USP3: variants seen among roughly 807,000 people sequenced by gnomAD.
USP3 encodes the protein ubiquitin carboxyl-terminal hydrolase 3.
Under a neutral mutation model 72.3 loss-of-function variants are expected in USP3, and 20 were observed. The observed-to-expected ratio is 0.28, with a 90% confidence interval of 0.19 to 0.40. USP3 has a LOEUF of 0.40. USP3 is among the 10% of genes least tolerant of loss of function. USP3 has a pLI of 1.00. For missense variants in USP3, 479 were observed against 633.9 expected (o/e 0.76, Z 2.62); for synonymous variants, 222 against 225.3 (o/e 0.99, Z 0.13).
intron 8 of USP3, among the ~76,000 whole-genome samples, chr15:63,569,476 A>T (rs2066745681): frequency 6.6e-6 from 1 of 152,218 alleles, no homozygotes; most frequent in East Asian, 1.9e-4. Flanking sequence ...TGGTTGGAAG[A>T]AATTTTATGG....
chr15:63,585,891 A>G (rs1411493233), intron 11 of USP3, among the ~76,000 whole-genome samples: 2 of 151,442 alleles, frequency 1.3e-5, no homozygotes, highest in Non-Finnish European at 2.9e-5. Context: ...CCATTCCATA[A>G]TAAACTTTAG....
In USP3 at chr15:63,588,411, A is replaced by G. The variant is rs1238360348; in HGVS notation, c.1203A>G (p.Gln401=). 6.2e-7 allele frequency: 1 copy of G among 1,604,142 alleles called. No individual in the cohort carries two copies. The highest frequency in any genetic ancestry group is 1.7e-5 in the Admixed American group (1 of 57,384). ...AGTCCACAAAAAAGTTTTGGATTCA[A>G]AAACTACCCAAGGTGAGTGTTGAAT... ...KQKSTKKFWI[Q]KLPKVLCLHL... Residue 401 remains glutamine, a synonymous_variant, in exon 12 of 15, where the codon CAA becomes CAG. Coordinates refer to ENST00000380324, the MANE Select transcript of USP3 (RefSeq NM_006537.4). The surrounding 1 kb of genome is among the most constrained non-coding windows in gnomAD (Gnocchi z 4.6).
chr15:63,570,540 A>C lies in USP3; in HGVS notation c.869A>C (p.Gln290Pro). 6.2e-7 allele frequency: 1 copy of C among 1,614,180 alleles called. No homozygotes were observed. Among genetic ancestry groups the C allele is most frequent in the Non-Finnish European group, 8.5e-7 (1 of 1,180,006 alleles). The change falls in exon 9 of 15, where the codon CAG becomes CCG. Residue 290 changes from glutamine to proline, a missense_variant. Transcript: ENST00000380324. The surrounding 1 kb of genome is among the most constrained non-coding windows in gnomAD (Gnocchi z 4.4). ...GGTGTTTCCCGCTCAGCAATTCTGC[A>C]GGAGAATTCTACTCTGTCTGCAAGT... ...FNGVSRSAILQENSTLSASNK... is the reference protein window; with the variant it reads ...FNGVSRSAILPENSTLSASNK...
chr15:63,534,649 C>T (rs1362547089), intron 2 of USP3, among the ~76,000 whole-genome samples: 2 of 152,104 alleles, frequency 1.3e-5, no homozygotes, highest in Admixed American at 1.3e-4. Flanking sequence ...ATCAGTATTC[C>T]TACTTCTTAG....
At position 63,504,647 on chromosome 15, in the gene USP3, A is replaced by T. The variant is rs1260288881; in HGVS notation, c.-93A>T. The T allele has an allele frequency of 1.8e-6, 2 of 1,131,000 alleles. No homozygotes were observed. Among genetic ancestry groups the T allele is most frequent in the Admixed American group, 2.8e-5 (1 of 35,880 alleles). The allele number at this position is 1,131,000 out of a possible 1,614,324, so 70.1% of individuals were successfully genotyped here. ...GCCGCCGTCGGCCGAGCGCCCGGCT[A>T]GAAGCGACACCAGACGGAGCCTCCG... On this transcript the variant is annotated 5_prime_UTR_variant, in exon 1 of 15. Coordinates refer to ENST00000380324, the MANE Select transcript of USP3 (RefSeq NM_006537.4).
chr15:63,558,319 G>T, intron 6 of USP3, 131 bp downstream of exon 6: 3 of 989,452 alleles, frequency 3.0e-6, no homozygotes, highest in East Asian at 2.5e-5. Context: ...CTGTGCTTTT[G>T]TTTCCTCATC....
Position 63,563,019 on chromosome 15 carries a change from T to C in USP3, c.761+11T>C, listed in dbSNP as rs1442693993. The C allele has an allele frequency of 6.4e-7, 1 of 1,561,302 alleles. No homozygotes were observed. Among genetic ancestry groups the C allele is most frequent in the South Asian group, 1.2e-5 (1 of 84,996 alleles). On this transcript the variant is annotated intron_variant, in intron 8 of 14. Transcript: ENST00000380324. ...TATGCCAAACTTTAGGTAAGTATTA[T>C]ATGAAGATATTTTTAAACATTAATA...
Position 63,529,178 on chromosome 15 carries a change from G to GTTTTTTTTTTTTTTTT in USP3, c.92-3456_92-3455insTTTTTTTTTTTTTTTT. The GTTTTTTTTTTTTTTTT allele has an allele frequency of 2.0e-6, 1 of 492,642 alleles. No homozygotes were observed. Among genetic ancestry groups the GTTTTTTTTTTTTTTTT allele is most frequent in the Non-Finnish European group, 3.4e-6 (1 of 293,884 alleles). The allele number at this position is 492,642 out of a possible 1,614,324, so 30.5% of individuals were successfully genotyped here. A position where few individuals can be genotyped will look rare whatever the true frequency, so the allele number is the denominator to read the frequency against. Reference sequence around the variant, plus strand: ...ACCACACTTGGCAGGTAGTAAAGTGGTTTTTTTTTTTTTCTTTTTTTTGAG... The same window carrying GTTTTTTTTTTTTTTTT: ...ACCACACTTGGCAGGTAGTAAAGTGGTTTTTTTTTTTTTTTTTTTTTTTTTTTTTCTTTTTTTTGAG... On this transcript the variant is annotated intron_variant, in intron 1 of 14. Transcript: ENST00000380324. The surrounding 1 kb of genome is among the most constrained non-coding windows in gnomAD (Gnocchi z 4.2).
rs1335378423 is a variant in USP3, at chr15:63,553,282, C to A, written c.285-433C>A. On this transcript the variant is annotated intron_variant, in intron 3 of 14. Coordinates refer to ENST00000380324, the MANE Select transcript of USP3 (RefSeq NM_006537.4). This position sits in a 1 kb window ranked among gnomAD's most constrained non-coding sequence, Gnocchi z 4.2. Reference sequence around the variant, plus strand: ...AGATATCCCTACAGGTTAATTACCTCTTCCCTGCTTTTCACTTAAATCTCT... The same window carrying A: ...AGATATCCCTACAGGTTAATTACCTATTCCCTGCTTTTCACTTAAATCTCT... 6.5e-6 allele frequency: 1 copy of A among 152,928 alleles called. No homozygotes were observed. Among genetic ancestry groups the A allele is most frequent in the South Asian group, 2.1e-4 (1 of 4,858 alleles). 9.5% of individuals were successfully genotyped at this position (152,928 alleles called of 1,614,324 possible). A position where few individuals can be genotyped will look rare whatever the true frequency, so the allele number is the denominator to read the frequency against.
chr15:63,532,141 CAT>C (rs969274426), intron 1 of USP3, among the ~76,000 whole-genome samples: 255 of 152,244 alleles, frequency 1.7e-3, no homozygotes, highest in African/African-American at 5.9e-3. Context: ...GTGCAGTTGT[CAT>C]ATATTTTATG....
At chr15:63,550,369 T>C (rs1293795439) in intron 3 of USP3, among the ~76,000 whole-genome samples, 1 of 152,184 alleles carries the variant, frequency 6.6e-6, no homozygotes, top group African/African-American at 2.4e-5. Flanking sequence ...AGGGCACAAA[T>C]ATTTGCATTG....
At chr15:63,507,259 T>G (rs1001942412) in intron 1 of USP3, among the ~76,000 whole-genome samples, 1 of 152,046 alleles carries the variant, frequency 6.6e-6, no homozygotes, top group Non-Finnish European at 1.5e-5. Flanking sequence ...TCTTTGCGAG[T>G]TTGCAATTAT....
At position 63,590,962 on chromosome 15, in the gene USP3, G is replaced by GACTT. The variant is rs2067187478; in HGVS notation, c.*140_*143dup. 2 of 1,131,444 alleles carry GACTT rather than the reference G, an allele frequency of 1.8e-6. No individual in the cohort carries two copies. The highest frequency in any genetic ancestry group is 3.2e-5 in the African/African-American group (2 of 62,374). The allele number at this position is 1,131,444 out of a possible 1,614,324, so 70.1% of individuals were successfully genotyped here. A position where few individuals can be genotyped will look rare whatever the true frequency, so the allele number is the denominator to read the frequency against. Reference sequence around the variant, plus strand: ...TGGATTTAGTTTTGTCAATGGTAGTGACTTACTGAACATGGGCACCAACTA... The same window carrying GACTT: ...TGGATTTAGTTTTGTCAATGGTAGTGACTTACTTACTGAACATGGGCACCAACTA... On this transcript the variant is annotated 3_prime_UTR_variant, in exon 15 of 15. Transcript: ENST00000380324.
chr15:63,506,239 A>T (rs1216842296), intron 1 of USP3, among the ~76,000 whole-genome samples: 1 of 152,204 alleles, frequency 6.6e-6, no homozygotes, highest in Non-Finnish European at 1.5e-5. Context: ...CGGGATGTTG[A>T]GTATAGAACA....
Position 63,570,373 on chromosome 15 carries a change from T to G in USP3, c.762-60T>G. The G allele has an allele frequency of 6.2e-7, 1 of 1,608,988 alleles. No individual in the cohort carries two copies. The highest frequency in any genetic ancestry group is 8.5e-7 in the Non-Finnish European group (1 of 1,178,420). Reference sequence around the variant, plus strand: ...TTTCCACGCCTTGGCCTCTTGCTGGTGTGGCTGGGCACAAAGAGCCCTCCA... The same window carrying G: ...TTTCCACGCCTTGGCCTCTTGCTGGGGTGGCTGGGCACAAAGAGCCCTCCA... On this transcript the variant is annotated intron_variant, in intron 8 of 14. Transcript: ENST00000380324. This position sits in a 1 kb window ranked among gnomAD's most constrained non-coding sequence, Gnocchi z 4.4.
At chr15:63,539,578 G>T (rs917127721) in intron 3 of USP3, among the ~76,000 whole-genome samples, 1 of 152,154 alleles carries the variant, frequency 6.6e-6, no homozygotes, top group African/African-American at 2.4e-5. Flanking sequence ...AATTGAATTG[G>T]TTTTATTTCG....
intron 3 of USP3, among the ~76,000 whole-genome samples, chr15:63,547,672 G>A (rs2066350128): frequency 6.6e-6 from 1 of 151,326 alleles, no homozygotes; most frequent in Non-Finnish European, 1.5e-5. Flanking sequence ...CAAGGCTGCA[G>A]TGAGCTGTGA....
chr15:63,523,475 A>G (rs1158765012), intron 1 of USP3, among the ~76,000 whole-genome samples: 2 of 152,230 alleles, frequency 1.3e-5, no homozygotes, highest in African/African-American at 4.8e-5. Flanking sequence ...GCAGTGGAAC[A>G]AATTCCTACA....
At position 63,588,052 on chromosome 15, in the gene USP3, T is replaced by G. The variant is rs1197476549; in HGVS notation, c.1097-253T>G. 1 of 312,686 alleles carries G rather than the reference T, an allele frequency of 3.2e-6. No individual in the cohort carries two copies. The highest frequency in any genetic ancestry group is 5.5e-5 in the East Asian group (1 of 18,044). 19.4% of individuals were successfully genotyped at this position (312,686 alleles called of 1,614,324 possible). A position where few individuals can be genotyped will look rare whatever the true frequency, so the allele number is the denominator to read the frequency against. ...TATCCAGATGAATTATCATTAATAG[T>G]AAAACCAACACAATTGATCATCACC... On this transcript the variant is annotated intron_variant, in intron 11 of 14. Coordinates refer to ENST00000380324, the MANE Select transcript of USP3 (RefSeq NM_006537.4). This position sits in a 1 kb window ranked among gnomAD's most constrained non-coding sequence, Gnocchi z 4.6.
Sources: gnomAD v4.1 joint callset for allele counts (sites outside exome capture counted in the v4.1 genomes callset) on GRCh38, gnomAD v4.1.1 for gene constraint, Gnocchi (gnomAD v3.1) non-coding constraint, MANE v1.5 for transcripts, NCBI Gene and HGNC (gene_info 2026-07-23, HGNC 2026-07-21) for gene names.